Variants in SLC29A3 observed in about 807,000 individuals in gnomAD.
SLC29A3 encodes solute carrier family 29 member 3.
SLC29A3 carries 18 observed loss-of-function variants against 25.4 expected under a neutral mutation model. The observed-to-expected ratio is 0.71, with a 90% confidence interval of 0.49 to 1.05. The LOEUF is 1.05. Ranked by LOEUF, SLC29A3 falls within the 50% of genes least tolerant of loss-of-function variation. The probability of loss-of-function intolerance (pLI) is 0.00; values close to 1 mark genes in which losing one functional copy is unlikely to be tolerated. For missense variants in SLC29A3, 586 were observed against 609.0 expected, an observed-to-expected ratio of 0.96 and a Z score of 0.40; for synonymous variants, 258 against 267.1, an observed-to-expected ratio of 0.97 and a Z score of 0.33.
Position 71,355,179 on chromosome 10 carries a change from C to T in SLC29A3, c.611-902C>T, listed in dbSNP as rs539937202. ...GGGGTTGTTATTCCCATTCTATAAG[C>T]GAGCAAACTGTAAAGTCAGAGAAGC... On this transcript the variant is annotated intron_variant, in intron 4 of 5. Transcript: ENST00000373189. Among the ~76,000 whole-genome samples, 6 of 152,306 alleles carry T rather than the reference C, an allele frequency of 3.9e-5. No homozygotes were observed. The East Asian group carries it at 5.8e-4, about 15-fold the overall frequency.
chr10:71,334,312 G>T (rs563831989), intron 2 of SLC29A3, among the ~76,000 whole-genome samples: 2 of 152,328 alleles, frequency 1.3e-5, no homozygotes, highest in East Asian at 3.9e-4. Context: ...TGGGCTGACC[G>T]AAGGCCGACC....
chr10:71,343,951 C>T lies in SLC29A3; in HGVS notation c.301-258C>T, dbSNP rs185770177. On this transcript the variant is annotated intron_variant, in intron 2 of 5. Coordinates refer to ENST00000373189, the MANE Select transcript of SLC29A3 (RefSeq NM_018344.6). ...ACAGCACCAAGGGCCTCACTGGGGACAGGAACGACTTATCCTTCCTATGCC... is the reference window on the plus strand; with the variant it reads ...ACAGCACCAAGGGCCTCACTGGGGATAGGAACGACTTATCCTTCCTATGCC... Among the ~76,000 whole-genome samples, 4 of 152,298 alleles carry T rather than the reference C, an allele frequency of 2.6e-5. No homozygotes were observed. The East Asian group carries it at 5.8e-4, about 22-fold the overall frequency.
At position 71,336,903 on chromosome 10, in the gene SLC29A3, A is replaced by C. The variant is rs186450399; in HGVS notation, c.301-7306A>C. Among the ~76,000 whole-genome samples the C allele has an allele frequency of 2.6e-5, 4 of 152,290 alleles. No homozygotes were observed. In the East Asian group the frequency reaches 5.8e-4, roughly 22 times the overall value. On this transcript the variant is annotated intron_variant, in intron 2 of 5. Transcript: ENST00000373189. ...GAGAGCCCCGGGGTGCTCAGAGAGC[A>C]AGATTTACAGTGAGCCCAGGCCTGG...
rs1846506117 is a variant in SLC29A3, at chr10:71,344,344, C to T, written c.383+53C>T. ...CCTCTGCCTTGGTCTCCTGCCTCCT[C>T]TACTCCCCTCTTGCCTGCAGCTGCT... On this transcript the variant is annotated intron_variant, in intron 3 of 5. Transcript: ENST00000373189. 4 of 1,363,480 alleles carry T rather than the reference C, an allele frequency of 2.9e-6. No individual in the cohort carries two copies. The Admixed American group carries it at 5.0e-5, about 17-fold the overall frequency. 84.5% of individuals were successfully genotyped at this position (1,363,480 alleles called of 1,614,324 possible).
chr10:71,336,844 C>A (rs1846266311), intron 2 of SLC29A3, among the ~76,000 whole-genome samples: 1 of 151,996 alleles, frequency 6.6e-6, no homozygotes, highest in African/African-American at 2.4e-5. Flanking sequence ...AGCAGGGATT[C>A]CTGAGGAGGT....
chr10:71,340,405 C>T (rs1032247469), intron 2 of SLC29A3, among the ~76,000 whole-genome samples: 8 of 152,222 alleles, frequency 5.3e-5, no homozygotes, highest in Admixed American at 2.0e-4. Context: ...ACACAGTGGC[C>T]CCACTGCCAG....
intron 2 of SLC29A3, among the ~76,000 whole-genome samples, chr10:71,337,413 A>T (rs1389124058): frequency 6.6e-6 from 1 of 152,254 alleles, no homozygotes; most frequent in African/African-American, 2.4e-5. Context: ...TTGCAATGGC[A>T]AACTATTCTT....
At chr10:71,321,689 C>T (rs1845849122) in intron 1 of SLC29A3, among the ~76,000 whole-genome samples, 1 of 152,258 alleles carries the variant, frequency 6.6e-6, no homozygotes, top group Admixed American at 6.5e-5. Context: ...AACAGCTTCT[C>T]TGGGTTTACA....
intron 2 of SLC29A3, among the ~76,000 whole-genome samples, chr10:71,329,572 T>C (rs1846072701): frequency 6.6e-6 from 1 of 151,986 alleles, no homozygotes; most frequent in Admixed American, 6.6e-5. Context: ...TAGATAAGGC[T>C]AATGTGTAGC....
chr10:71,335,441 G>T (rs1008494914), intron 2 of SLC29A3, among the ~76,000 whole-genome samples: 8 of 152,230 alleles, frequency 5.3e-5, no homozygotes, highest in Non-Finnish European at 1.0e-4. Flanking sequence ...AGGAGGAGGG[G>T]CGTGGCAGTC....
At chr10:71,379,046 T>C (rs1847282047) in intron 4 of SLC29A3, among the ~76,000 whole-genome samples, 1 of 152,196 alleles carries the variant, frequency 6.6e-6, no homozygotes, top group Admixed American at 6.5e-5. Context: ...TTGCTCTCAT[T>C]GTCTGCTTCA....
intron 2 of SLC29A3, among the ~76,000 whole-genome samples, chr10:71,330,755 A>G (rs1034047738): frequency 2.0e-5 from 3 of 152,186 alleles, no homozygotes; most frequent in African/African-American, 7.2e-5. Flanking sequence ...CTAAGCTCTT[A>G]CCATGTGCCA....
intron 3 of SLC29A3, among the ~76,000 whole-genome samples, chr10:71,348,637 C>T (rs981048174): frequency 1.7e-4 from 26 of 152,198 alleles, no homozygotes; most frequent in Non-Finnish European, 2.2e-4. Flanking sequence ...GACTGCTGGC[C>T]TCCAGGGCCC....
intron 2 of SLC29A3, among the ~76,000 whole-genome samples, chr10:71,334,442 G>A (rs1043381229): frequency 6.6e-6 from 1 of 152,184 alleles, no homozygotes; most frequent in African/African-American, 2.4e-5. Context: ...CTATTATAGT[G>A]GTACCTACCC....
intron 2 of SLC29A3, among the ~76,000 whole-genome samples, chr10:71,338,548 G>A (rs1018116818): frequency 1.3e-5 from 2 of 152,006 alleles, no homozygotes; most frequent in African/African-American, 2.4e-5. Context: ...ACCTGAGGTC[G>A]GGAGCTCAAG....
At chr10:71,379,215 C>G (rs1312772583) in intron 4 of SLC29A3, among the ~76,000 whole-genome samples, 1 of 152,224 alleles carries the variant, frequency 6.6e-6, no homozygotes, top group South Asian at 2.1e-4. Flanking sequence ...ATGTTTTGCT[C>G]TCTTGTCATT....
chr10:71,368,620 A>T (rs1847187635), intron 3 of SLC29A3, among the ~76,000 whole-genome samples: 1 of 150,930 alleles, frequency 6.6e-6, no homozygotes, highest in South Asian at 2.1e-4. Context: ...AGGCTGTTTC[A>T]TTTTTTTTTC....
At chr10:71,345,935 T>G (rs1846565800) in intron 3 of SLC29A3, among the ~76,000 whole-genome samples, 1 of 152,254 alleles carries the variant, frequency 6.6e-6, no homozygotes, top group Non-Finnish European at 1.5e-5. Flanking sequence ...GGGCTGTTTG[T>G]CCAGCCCAGA....
chr10:71,346,131 C>G (rs1338746105), intron 3 of SLC29A3, among the ~76,000 whole-genome samples: 3 of 152,186 alleles, frequency 2.0e-5, no homozygotes, highest in Non-Finnish European at 4.4e-5. Flanking sequence ...CATGGGACAG[C>G]TGAGTCTGCC....
Sources: gnomAD v4.1 joint callset for allele counts (sites outside exome capture counted in the v4.1 genomes callset) on GRCh38, gnomAD v4.1.1 for gene constraint, MANE v1.5 for transcripts, NCBI Gene and HGNC (gene_info 2026-07-23, HGNC 2026-07-21) for gene names.